EYA2: variants seen among roughly 807,000 people sequenced by gnomAD.
The protein encoded by EYA2 is EYA transcriptional coactivator and phosphatase 2, also known as protein phosphatase EYA2.
A neutral mutation model predicts 69.2 loss-of-function variants in EYA2; 31 were observed. The observed-to-expected ratio is 0.45, with a 90% CI of 0.34 to 0.60. The LOEUF (loss-of-function observed/expected upper bound fraction) is 0.60, where lower values mean the gene tolerates loss of function less well. EYA2 is among the 20% of genes least tolerant of loss of function. The pLI is 0.02. For missense variants in EYA2, 622 were observed against 701.2 expected (o/e 0.89, Z 1.28); for synonymous variants, 257 against 279.4 (o/e 0.92, Z 0.80).
chr20:47,025,381 A>G (rs1367410546), intron 5 of EYA2, among the ~76,000 whole-genome samples: 2 of 152,228 alleles, frequency 1.3e-5, no homozygotes, highest in African/African-American at 4.8e-5. Flanking sequence ...ATGATGGCAG[A>G]AACACTTGTC....
At chr20:47,032,782 A>G (rs1180962309) in intron 5 of EYA2, among the ~76,000 whole-genome samples, 1 of 152,222 alleles carries the variant, frequency 6.6e-6, no homozygotes, top group Non-Finnish European at 1.5e-5. Flanking sequence ...AGCCTGGGAC[A>G]AAGTCAAGTG....
At chr20:46,958,234 G>C (rs1439278931) in intron 1 of EYA2, among the ~76,000 whole-genome samples, 1 of 152,104 alleles carries the variant, frequency 6.6e-6, no homozygotes, top group Non-Finnish European at 1.5e-5. Flanking sequence ...CTGCTGCCTG[G>C]GGACAGTTTT....
intron 9 of EYA2, among the ~76,000 whole-genome samples, chr20:47,099,908 G>A (rs940975190): frequency 2.0e-5 from 3 of 152,018 alleles, no homozygotes; most frequent in Admixed American, 6.6e-5. Flanking sequence ...CCCCAACCAC[G>A]CGCAGTACAC....
intron 1 of EYA2, among the ~76,000 whole-genome samples, chr20:46,965,635 A>C (rs1979730213): frequency 6.6e-6 from 1 of 152,224 alleles, no homozygotes; most frequent in Non-Finnish European, 1.5e-5. Flanking sequence ...CGTAGGTTGG[A>C]GACAGGTGAC....
chr20:47,062,707 C>T (rs939940216), intron 5 of EYA2, among the ~76,000 whole-genome samples: 1 of 152,152 alleles, frequency 6.6e-6, no homozygotes, highest in African/African-American at 2.4e-5. Flanking sequence ...GCTTGTCCTC[C>T]CTCTGTCCAG....
chr20:46,995,276 A>T (rs1981946641), intron 2 of EYA2, among the ~76,000 whole-genome samples: 1 of 152,212 alleles, frequency 6.6e-6, no homozygotes, highest in African/African-American at 2.4e-5. Flanking sequence ...CAGAAATGAA[A>T]CGTTATGACT....
intron 10 of EYA2, among the ~76,000 whole-genome samples, chr20:47,147,826 A>C (rs1398981518): frequency 6.6e-6 from 1 of 152,164 alleles, no homozygotes; most frequent in Non-Finnish European, 1.5e-5. Context: ...TGGGAGGCCG[A>C]GGCGGGTGGA....
At position 46,959,353 on chromosome 20, in the gene EYA2, G is replaced by A. The variant is rs546041258; in HGVS notation, c.-10-30648G>A. 3.9e-5 allele frequency among the ~76,000 whole-genome samples: 6 copies of A among 152,306 alleles called. No individual in the cohort carries two copies. In the South Asian group the frequency reaches 1.2e-3, roughly 32 times the overall value. ...GACCATTCCTTTGTTGGGGGTGGGGGCTGATGCTGTGCATTGTAGCATTAG... is the reference window on the plus strand; with the variant it reads ...GACCATTCCTTTGTTGGGGGTGGGGACTGATGCTGTGCATTGTAGCATTAG... On this transcript the variant is annotated intron_variant, in intron 1 of 15. Transcript: ENST00000327619.
At chr20:47,110,502 G>A (rs781630807) in intron 9 of EYA2, among the ~76,000 whole-genome samples, 4 of 152,108 alleles carry the variant, frequency 2.6e-5, no homozygotes, top group South Asian at 2.1e-4. Flanking sequence ...GATTACAGGC[G>A]TGAGCCACCA....
chr20:47,067,580 G>A (rs1312342577), intron 5 of EYA2, among the ~76,000 whole-genome samples: 2 of 151,690 alleles, frequency 1.3e-5, no homozygotes, highest in African/African-American at 2.4e-5. Context: ...CACCTAATAT[G>A]TACCCACAAA....
At chr20:46,978,915 G>C (rs1166566366) in intron 1 of EYA2, among the ~76,000 whole-genome samples, 1 of 152,254 alleles carries the variant, frequency 6.6e-6, no homozygotes, top group Non-Finnish European at 1.5e-5. Context: ...AAGATGGTTT[G>C]TGATTCACAG....
intron 10 of EYA2, among the ~76,000 whole-genome samples, chr20:47,158,683 G>A (rs767127346): frequency 7.2e-4 from 109 of 152,052 alleles, no homozygotes; most frequent in Non-Finnish European, 1.3e-3. Flanking sequence ...GCTGGGCCAA[G>A]AACTATATGA....
At chr20:47,061,897 A>G (rs926637540) in intron 5 of EYA2, among the ~76,000 whole-genome samples, 1 of 152,206 alleles carries the variant, frequency 6.6e-6, no homozygotes, top group African/African-American at 2.4e-5. Flanking sequence ...GCTGAGAAAC[A>G]CAGGCGTACA....
intron 14 of EYA2, among the ~76,000 whole-genome samples, chr20:47,182,886 G>A (rs549994820): frequency 3.3e-5 from 5 of 152,226 alleles, no homozygotes; most frequent in South Asian, 2.1e-4. Flanking sequence ...TCAGTGAGCC[G>A]AGATGGCACC....
At chr20:47,151,725 A>C (rs1365846549) in intron 10 of EYA2, among the ~76,000 whole-genome samples, 2 of 151,990 alleles carry the variant, frequency 1.3e-5, no homozygotes, top group East Asian at 3.9e-4. Flanking sequence ...CCTCATACTT[A>C]TGCGGTACAT....
intron 9 of EYA2, among the ~76,000 whole-genome samples, chr20:47,131,087 C>T (rs964574437): frequency 6.6e-6 from 1 of 151,338 alleles, no homozygotes; most frequent in Admixed American, 6.6e-5. Context: ...GAAACTCCAT[C>T]TCAAGAAAAA....
rs747361783 is a variant in EYA2 at position 47,089,332 on chromosome 20, G to A, written c.755G>A (p.Arg252Gln). 8.7e-6 allele frequency: 14 copies of A among 1,614,026 alleles called. No homozygotes were observed. Among genetic ancestry groups the A allele is most frequent in the South Asian group, 2.2e-5 (2 of 91,086 alleles). ...GCCTCCGACGGGAAGCTCCGAGGCC[G>A]GTCTAAGAGGAGCAGTGACCCGTCC... ...HRASDGKLRG[R>Q]SKRSSDPSPA... The change falls in exon 8 of 16, where the codon CGG becomes CAG. Residue 252 changes from arginine to glutamine, a missense_variant. Arg to Gln is a conservative substitution (Grantham distance 43). Around this residue, in one of 2 missense-constraint regions of EYA2, gnomAD observed 365 missense variants for 349.7 expected, o/e 1.04. Transcript: ENST00000327619.
intron 1 of EYA2, among the ~76,000 whole-genome samples, chr20:46,976,273 G>A (rs1438016994): frequency 6.6e-6 from 1 of 152,222 alleles, no homozygotes; most frequent in Admixed American, 6.5e-5. Flanking sequence ...GGAGGCCGAG[G>A]TGGGAGGATT....
intron 11 of EYA2, among the ~76,000 whole-genome samples, chr20:47,171,543 A>T (rs2034322673): frequency 6.6e-6 from 1 of 152,094 alleles, no homozygotes; most frequent in African/African-American, 2.4e-5. Context: ...AGATGCTTTT[A>T]TCCTCATCCT....
Sources: gnomAD v4.1 joint callset for allele counts (sites outside exome capture counted in the v4.1 genomes callset) on GRCh38, gnomAD v4.1.1 for gene constraint, gnomAD v4.1.1 regional missense constraint, MANE v1.5 for transcripts, NCBI Gene and HGNC (gene_info 2026-07-23, HGNC 2026-07-21) for gene names.